Variants in ALK observed in about 807,000 individuals in gnomAD.
ALK encodes the protein ALK receptor tyrosine kinase, also known as ALK tyrosine kinase receptor.
Under a neutral mutation model 163.1 loss-of-function variants are expected in ALK, and 74 were observed. The ratio of observed to expected loss-of-function variants is 0.45; its 90% confidence interval spans 0.38 to 0.55. The LOEUF (loss-of-function observed/expected upper bound fraction) is 0.55, where lower values mean the gene tolerates loss of function less well. Ranked by LOEUF, ALK falls within the 20% of genes least tolerant of loss-of-function variation. The probability of loss-of-function intolerance (pLI) is 0.00; values close to 1 mark genes in which losing one functional copy is unlikely to be tolerated. For synonymous variants in ALK, 960 were observed against 843.2 expected (o/e 1.14, Z -2.40); for missense variants, 2,063 against 2,105.3 (o/e 0.98, Z 0.39).
chr2:29,643,200 A>G (rs951927358), intron 3 of ALK, among the ~76,000 whole-genome samples: 3 of 152,144 alleles, frequency 2.0e-5, no homozygotes, highest in Non-Finnish European at 4.4e-5. Flanking sequence ...ATATGCATTG[A>G]AAAGTTAAAA....
chr2:29,223,573 C>T (rs750240662), intron 19 of ALK, 45 bp from the exon 20 acceptor site: 17 of 1,595,446 alleles, frequency 1.1e-5, no homozygotes, highest in Non-Finnish European at 1.4e-5. Flanking sequence ...CAGCCTGGCC[C>T]TTGAAGCACT....
At chr2:29,892,551 A>T (rs141313930) in intron 1 of ALK, among the ~76,000 whole-genome samples, 21 of 152,302 alleles carry the variant, frequency 1.4e-4, no homozygotes, top group African/African-American at 5.1e-4. Flanking sequence ...AGCACTTTAC[A>T]ATCAATCAGC....
intron 1 of ALK, among the ~76,000 whole-genome samples, chr2:29,744,491 T>C (rs772902087): frequency 6.6e-6 from 1 of 152,184 alleles, no homozygotes; most frequent in Non-Finnish European, 1.5e-5. Context: ...TCTAGCTCGC[T>C]TGGGTCATTC....
chr2:29,890,976 G>A (rs1273651813), intron 1 of ALK: 2 of 152,194 alleles, frequency 1.3e-5, no homozygotes, highest in Non-Finnish European at 2.9e-5. Context: ...GTTCCTGGCT[G>A]TATGACTGGG....
intron 3 of ALK, among the ~76,000 whole-genome samples, chr2:29,555,510 T>C (rs1673827920): frequency 6.6e-6 from 1 of 152,224 alleles, no homozygotes. Context: ...ATTTGCTCTG[T>C]CCATTTCTGT....
intron 1 of ALK, among the ~76,000 whole-genome samples, chr2:29,914,722 C>T (rs1460489604): frequency 6.6e-6 from 1 of 152,200 alleles, no homozygotes; most frequent in East Asian, 1.9e-4. Flanking sequence ...TGGCTATTGC[C>T]CACCAAATAT....
intron 5 of ALK, among the ~76,000 whole-genome samples, chr2:29,335,483 T>C (rs1667583389): frequency 6.6e-6 from 1 of 152,138 alleles, no homozygotes. Context: ...GAGAAATGAT[T>C]TTTAGACAAC....
intron 3 of ALK, among the ~76,000 whole-genome samples, chr2:29,653,464 T>G (rs989434973): frequency 1.2e-4 from 19 of 152,156 alleles, no homozygotes; most frequent in Admixed American, 4.6e-4. Context: ...GACCTAGGGT[T>G]GGATCGTCTT....
intron 5 of ALK, among the ~76,000 whole-genome samples, chr2:29,374,155 G>T (rs558009354): frequency 2.2e-4 from 33 of 152,326 alleles, no homozygotes; most frequent in South Asian, 4.1e-4. Context: ...AGGAGATTCA[G>T]CTTAGTCAAG....
At chr2:29,617,954 C>T (rs768703343) in intron 3 of ALK, among the ~76,000 whole-genome samples, 14 of 152,192 alleles carry the variant, frequency 9.2e-5, no homozygotes, top group African/African-American at 2.4e-4. Flanking sequence ...CTAGCACCAC[C>T]GTTGGGCTGG....
At chr2:29,381,672 C>G (rs1010018809) in intron 5 of ALK, among the ~76,000 whole-genome samples, 1 of 152,190 alleles carries the variant, frequency 6.6e-6, no homozygotes, top group African/African-American at 2.4e-5. Flanking sequence ...GTTGCCAGCC[C>G]TATTCACCTC....
intron 4 of ALK, among the ~76,000 whole-genome samples, chr2:29,429,768 G>C (rs907395157): frequency 2.6e-5 from 4 of 151,974 alleles, no homozygotes; most frequent in Admixed American, 2.6e-4. Flanking sequence ...ACCCCAAATA[G>C]CCAAAAGAGT....
At chr2:29,232,886 A>G (rs1664256898) in intron 14 of ALK, among the ~76,000 whole-genome samples, 1 of 152,134 alleles carries the variant, frequency 6.6e-6, no homozygotes, top group East Asian at 1.9e-4. Context: ...AGCCCTCAGC[A>G]TCACAGTCCT....
intron 3 of ALK, among the ~76,000 whole-genome samples, chr2:29,664,966 A>G (rs1196176874): frequency 3.3e-5 from 5 of 151,436 alleles, no homozygotes; most frequent in Non-Finnish European, 5.9e-5. Context: ...CCTTCCATTG[A>G]GAACCTGGTA....
chr2:29,200,181 C>T (rs1669121921), intron 26 of ALK, among the ~76,000 whole-genome samples: 1 of 152,040 alleles, frequency 6.6e-6, no homozygotes, highest in African/African-American at 2.4e-5. Context: ...TTATTCCTTT[C>T]TGTTTGGTGA....
At chr2:29,911,454 T>A (rs1339934259) in intron 1 of ALK, among the ~76,000 whole-genome samples, 3 of 152,214 alleles carry the variant, frequency 2.0e-5, no homozygotes, top group African/African-American at 7.2e-5. Context: ...TCTACTTTCA[T>A]CTGCTTTATC....
intron 13 of ALK, 25 bp from the exon 14 acceptor site, chr2:29,233,721 G>C (rs776283081): frequency 6.2e-7 from 1 of 1,614,164 alleles, no homozygotes; most frequent in Admixed American, 1.7e-5. Context: ...AGCACGTTAG[G>C]TTTGTGGCCA....
At chr2:29,694,336 C>T (rs1056166928) in intron 3 of ALK, among the ~76,000 whole-genome samples, 1 of 152,190 alleles carries the variant, frequency 6.6e-6, no homozygotes, top group African/African-American at 2.4e-5. Context: ...ACATTTAAGC[C>T]AGTTCTACAA....
chr2:29,781,540 T>G (rs757713214), intron 1 of ALK, among the ~76,000 whole-genome samples: 31 of 152,298 alleles, frequency 2.0e-4, no homozygotes, highest in Middle Eastern at 3.4e-3. Flanking sequence ...ACCTGCAAAG[T>G]GACATCAAAT....
Sources: gnomAD v4.1 joint callset for allele counts (sites outside exome capture counted in the v4.1 genomes callset) on GRCh38, gnomAD v4.1.1 for gene constraint, MANE v1.5 for transcripts, NCBI Gene and HGNC (gene_info 2026-07-23, HGNC 2026-07-21) for gene names.